Variants in KCNH2 observed in about 807,000 individuals in gnomAD.
KCNH2 encodes the protein voltage-gated inwardly rectifying potassium channel KCNH2.
In KCNH2, 35 loss-of-function variants were observed where a neutral mutation model predicts 95.9. The ratio of observed to expected loss-of-function variants is 0.37; its 90% confidence interval spans 0.28 to 0.48. The LOEUF is 0.48. Ranked by LOEUF, KCNH2 falls within the 20% of genes least tolerant of loss-of-function variation. KCNH2 has a pLI of 0.99. For missense variants in KCNH2, 1,274 were observed against 1,702.9 expected (o/e 0.75, Z 4.43); for synonymous variants, 786 against 754.7 (o/e 1.04, Z -0.68).
At chr7:150,947,079 C>T (rs1800922219) in intron 13 of KCNH2, 25 bp from the exon 14 acceptor site, 4 of 1,555,560 alleles carry the variant, frequency 2.6e-6, no homozygotes, top group Non-Finnish European at 3.5e-6. Flanking sequence ...GGGGGATGCT[C>T]AGAGAAGTGG....
intron 3 of KCNH2, 88 bp downstream of exon 3, chr7:150,959,484 C>T (rs1563172493): frequency 6.7e-7 from 1 of 1,490,612 alleles, no homozygotes; most frequent in Non-Finnish European, 9.2e-7. Flanking sequence ...ATCCTCCCTT[C>T]CTGCAGAGCG....
rs758591341 is a variant in KCNH2 at position 150,950,033 on chromosome 7, G to C, written c.2398+135C>G. 1.9e-6 allele frequency: 3 copies of C among 1,599,334 alleles called. No homozygotes were observed. In the South Asian group the frequency reaches 3.4e-5, roughly 18 times the overall value. ...GCCCCGCTTGGAGGGCCTGAGTTTA[G>C]GTGAATTAAAGGAGCCCAGTGACCC... On this transcript the variant is annotated intron_variant, in intron 9 of 14. Coordinates refer to ENST00000262186, the MANE Select transcript of KCNH2 (RefSeq NM_000238.4).
intron 2 of KCNH2, among the ~76,000 whole-genome samples, chr7:150,970,190 G>A (rs773567111): frequency 6.6e-5 from 10 of 152,060 alleles, no homozygotes; most frequent in Non-Finnish European, 1.0e-4. Context: ...ACATGTGAAG[G>A]GCTTTCTTGG....
intron 2 of KCNH2, 139 bp downstream of exon 2, chr7:150,974,572 C>A (rs1801922505): frequency 2.7e-6 from 2 of 735,862 alleles, no homozygotes; most frequent in Non-Finnish European, 4.4e-6. Flanking sequence ...GCGTCACACC[C>A]CCACAGAACC....
intron 11 of KCNH2, 24 bp downstream of exon 11, chr7:150,948,420 C>CCCGACA: frequency 7.5e-7 from 1 of 1,334,598 alleles, no homozygotes; most frequent in Non-Finnish European, 1.1e-6. Flanking sequence ...CCGCCCTCCC[C>CCCGACA]CTTCCTCCCC....
At chr7:150,971,633 G>A (rs3807373) in intron 2 of KCNH2, among the ~76,000 whole-genome samples, 34,231 of 151,638 alleles carry the variant, frequency 0.23, 4,414 homozygotes, top group Non-Finnish European at 0.29. Context: ...GCAAGGTTCC[G>A]GGGTGCTGAG....
chr7:150,949,644 G>T, intron 9 of KCNH2: 1 of 1,115,628 alleles, frequency 9.0e-7, no homozygotes. Context: ...CTGCCCTGAG[G>T]CACACAGGGC....
intron 9 of KCNH2, chr7:150,949,651 G>T: frequency 8.9e-7 from 1 of 1,128,946 alleles, no homozygotes; most frequent in Non-Finnish European, 1.1e-6. Context: ...GAGGCACACA[G>T]GGCCGAGGGA....
chr7:150,959,453 G>C (rs1290164237), intron 3 of KCNH2, 119 bp downstream of exon 3: 1 of 1,264,698 alleles, frequency 7.9e-7, no homozygotes, highest in African/African-American at 1.5e-5. Context: ...CCAAAGGGGG[G>C]ACCCCCCACC....
chr7:150,946,853 C>G lies in KCNH2; in HGVS notation c.3330+24G>C, dbSNP rs140395995. On this transcript the variant is annotated intron_variant, in intron 14 of 14. Transcript: ENST00000262186. This position sits in a 1 kb window ranked among gnomAD's most constrained non-coding sequence, Gnocchi z 6.5. ...GGGGAACAAGCGGGTCACGGTACAT[C>G]GAGGAAGCAGGGCTGGAGCTTACCT... 4 of 1,590,012 alleles carry G rather than the reference C, an allele frequency of 2.5e-6. No homozygotes were observed. The highest frequency in any genetic ancestry group is 1.3e-5 in the African/African-American group (1 of 74,488).
rs199472872 is a variant in KCNH2, at chr7:150,958,251, G to C, written c.724C>G (p.Arg242Gly). The change falls in exon 4 of 15, where the codon CGC (arginine) becomes GGC (glycine). Residue 242 changes from arginine to glycine, a missense_variant. By Grantham distance (125) the Arg-to-Gly change is moderately radical (BLOSUM62 -2). Around this residue, in one of 7 missense-constraint regions of KCNH2, gnomAD observed 392 missense variants for 429.9 expected, o/e 0.91. Coordinates refer to ENST00000262186, the MANE Select transcript of KCNH2 (RefSeq NM_000238.4). ...RALVGPGSPP[R>G]SAPGQLPSPR... ...GATGGGAGCTGGCCGGGCGCGCTGC[G>C]GGGCGGAGAGCCGGGACCCACCAGC... The C allele has an allele frequency of 7.1e-7, 1 of 1,415,276 alleles. No homozygotes were observed. Among genetic ancestry groups the C allele is most frequent in the Non-Finnish European group, 9.2e-7 (1 of 1,087,910 alleles). 87.7% of individuals were successfully genotyped at this position (1,415,276 alleles called of 1,614,324 possible).
At position 150,961,168 on chromosome 7, in the gene KCNH2, G is replaced by C. The variant is rs1410391748; in HGVS notation, c.308-1432C>G. Among the ~76,000 whole-genome samples the C allele has an allele frequency of 1.3e-5, 2 of 152,066 alleles. No individual in the cohort carries two copies. The highest frequency in any genetic ancestry group is 1.9e-4 in the East Asian group (1 of 5,194). On this transcript the variant is annotated intron_variant, in intron 2 of 14. Transcript: ENST00000262186. This position sits in a 1 kb window ranked among gnomAD's most constrained non-coding sequence, Gnocchi z 6.2. ...TAGTGCCTAGCACCTAGAGTCATAC[G>C]CCCTGGGGCCAGCACTGGCTGGTGG... is the stretch of plus-strand genomic sequence containing the variant.
chr7:150,965,075 T>C (rs1303326450), intron 2 of KCNH2, among the ~76,000 whole-genome samples: 1 of 151,800 alleles, frequency 6.6e-6, no homozygotes, highest in Non-Finnish European at 1.5e-5. Context: ...CGCGCGTGTG[T>C]GTGTGTGTGC....
intron 5 of KCNH2, chr7:150,955,492 T>C (rs1317037999): frequency 1.3e-6 from 2 of 1,548,564 alleles, no homozygotes; most frequent in Non-Finnish European, 1.7e-6. Context: ...CCTTCCCGGC[T>C]GGGGCCGCCA....
At chr7:150,963,676 C>T (rs1195686806) in intron 2 of KCNH2, among the ~76,000 whole-genome samples, 1 of 151,980 alleles carries the variant, frequency 6.6e-6, no homozygotes, top group Non-Finnish European at 1.5e-5. Context: ...CCTGCCTGGC[C>T]CAGTTCTGCT....
Position 150,962,324 on chromosome 7 carries a change from T to A in KCNH2, c.308-2588A>T, listed in dbSNP as rs1801588387. On this transcript the variant is annotated intron_variant, in intron 2 of 14. Transcript: ENST00000262186. The surrounding 1 kb of genome is among the most constrained non-coding windows in gnomAD (Gnocchi z 5.7). ...AGCCAGCCAGGCCCTCGAACCTAAG[T>A]CCTCCACCAGGGAGCTTGCCTCAGA... Among the ~76,000 whole-genome samples, 1 of 152,004 alleles carries A rather than the reference T, an allele frequency of 6.6e-6. No individual in the cohort carries two copies. Among genetic ancestry groups the A allele is most frequent in the African/African-American group, 2.4e-5 (1 of 41,380 alleles).
At chr7:150,959,812 G>T (rs1801505601) in intron 2 of KCNH2, 76 bp from the exon 3 acceptor site, 2 of 1,563,898 alleles carry the variant, frequency 1.3e-6, no homozygotes, top group Non-Finnish European at 1.8e-6. Flanking sequence ...GATGGACCCT[G>T]GAACCCAAGT....
chr7:150,949,478 G>T, intron 9 of KCNH2: 1 of 714,570 alleles, frequency 1.4e-6, no homozygotes, highest in Non-Finnish European at 1.7e-6. Context: ...GCACAGAACA[G>T]AAATGCTAGA....
At chr7:150,947,257 A>T in intron 13 of KCNH2, 71 bp downstream of exon 13, 1 of 1,335,314 alleles carries the variant, frequency 7.5e-7, no homozygotes, top group Non-Finnish European at 1.0e-6. Context: ...CTCTCCCTCT[A>T]CCAGACAACA....
Sources: allele counts gnomAD v4.1 joint callset (sites outside exome capture counted in the v4.1 genomes callset), GRCh38; gene constraint gnomAD v4.1.1; regional missense constraint gnomAD v4.1.1; non-coding constraint Gnocchi (gnomAD v3.1); transcripts MANE v1.5; gene names NCBI Gene and HGNC (gene_info 2026-07-23, HGNC 2026-07-21).